Variants in UBE2E2 observed in about 807,000 individuals in gnomAD.
UBE2E2 encodes the protein ubiquitin-conjugating enzyme E2 E2.
A neutral mutation model predicts 24.7 loss-of-function variants in UBE2E2; 6 were observed. The observed-to-expected ratio is 0.24, with a 90% CI of 0.13 to 0.48. The LOEUF is 0.48. UBE2E2 is among the 20% of genes least tolerant of loss of function. The probability of loss-of-function intolerance (pLI) is 0.99; values close to 1 mark genes in which losing one functional copy is unlikely to be tolerated. For synonymous variants in UBE2E2, 104 were observed against 83.6 expected (o/e 1.24, Z -1.33); for missense variants, 169 against 245.0 (o/e 0.69, Z 2.07).
Position 23,398,324 on chromosome 3 carries a change from C to CAAA in UBE2E2, c.228-101277_228-101275dup, listed in dbSNP as rs57071884. 1.4e-5 allele frequency among the ~76,000 whole-genome samples: 2 copies of CAAA among 140,722 alleles called. 1 individual carries two copies. The highest frequency in any genetic ancestry group is 3.0e-5 in the Non-Finnish European group (2 of 65,830). 92.3% of individuals were successfully genotyped at this position (140,722 alleles called of 152,430 possible). The stretch of plus-strand genomic sequence containing the variant: ...CAAGACTCCATCTCAAAAAAAAAAA[C>CAAA]AAAAAAAAACTTGGAAAGTGGGATT... On this transcript the variant is annotated intron_variant, in intron 3 of 5. Transcript: ENST00000396703.
intron 3 of UBE2E2, among the ~76,000 whole-genome samples, chr3:23,472,729 G>GCCTCAA: frequency 6.6e-6 from 1 of 151,030 alleles, no homozygotes; most frequent in Admixed American, 6.6e-5. Flanking sequence ...GCTCACTGCA[G>GCCTCAA]CCTCAACCTC....
chr3:23,512,869 C>T (rs1694637980), intron 4 of UBE2E2, among the ~76,000 whole-genome samples: 1 of 152,106 alleles, frequency 6.6e-6, no homozygotes, highest in African/African-American at 2.4e-5. Context: ...TGCTTGAACC[C>T]AGGAGGCAGA....
At chr3:23,412,175 A>G (rs1354828871) in intron 3 of UBE2E2, among the ~76,000 whole-genome samples, 5 of 152,194 alleles carry the variant, frequency 3.3e-5, no homozygotes, top group African/African-American at 4.8e-5. Flanking sequence ...AATAGGATGT[A>G]ATAATTAATG....
rs192898167 is a variant in UBE2E2 at position 23,417,548 on chromosome 3, G to A, written c.228-82060G>A. ...GGGGTTGGGTCAGGGACCCACTTGA[G>A]GAGGCGGTCTGTCCCTTAGCAGAGC... On this transcript the variant is annotated intron_variant, in intron 3 of 5. Transcript: ENST00000396703. 5.7e-4 allele frequency among the ~76,000 whole-genome samples: 87 copies of A among 152,338 alleles called. 3 individuals carry two copies. The East Asian group carries it at 0.015, about 27-fold the overall frequency.
chr3:23,349,035 T>C (rs772251375), intron 3 of UBE2E2, among the ~76,000 whole-genome samples: 5 of 152,136 alleles, frequency 3.3e-5, no homozygotes, highest in Non-Finnish European at 4.4e-5. Context: ...CTGAGTGGGC[T>C]GCAAGACTGA....
chr3:23,393,873 T>A (rs1003046215), intron 3 of UBE2E2, among the ~76,000 whole-genome samples: 2 of 152,234 alleles, frequency 1.3e-5, no homozygotes, highest in Non-Finnish European at 2.9e-5. Flanking sequence ...ACATTTGCAC[T>A]TACTCACTTA....
chr3:23,565,744 CT>C, intron 5 of UBE2E2, among the ~76,000 whole-genome samples: 1 of 152,224 alleles, frequency 6.6e-6, no homozygotes, highest in South Asian at 2.1e-4. Context: ...AATGTTTCCC[CT>C]CTCACAGGGC....
intron 3 of UBE2E2, among the ~76,000 whole-genome samples, chr3:23,232,712 A>C (rs572446648): frequency 6.6e-6 from 1 of 152,388 alleles, no homozygotes; most frequent in South Asian, 2.1e-4. Context: ...AAATGATAGA[A>C]TACACTGAAG....
chr3:23,246,933 C>G (rs1318686024), intron 3 of UBE2E2, among the ~76,000 whole-genome samples: 1 of 151,916 alleles, frequency 6.6e-6, no homozygotes, highest in Non-Finnish European at 1.5e-5. Context: ...TGTGGCCAGG[C>G]TGGTCTCCTG....
intron 5 of UBE2E2, among the ~76,000 whole-genome samples, chr3:23,569,579 G>A (rs1484740834): frequency 6.6e-6 from 1 of 152,142 alleles, no homozygotes; most frequent in Non-Finnish European, 1.5e-5. Context: ...AGAGCTTTTT[G>A]CAGTGGTATT....
At chr3:23,524,873 C>CACACAG (rs1035658197) in intron 4 of UBE2E2, among the ~76,000 whole-genome samples, 4 of 147,380 alleles carry the variant, frequency 2.7e-5, no homozygotes, top group Admixed American at 1.3e-4. Flanking sequence ...CAGACACACA[C>CACACAG]ACACACACAC....
intron 5 of UBE2E2, among the ~76,000 whole-genome samples, chr3:23,577,430 A>G (rs1463582314): frequency 1.3e-5 from 2 of 152,066 alleles, no homozygotes; most frequent in African/African-American, 4.8e-5. Flanking sequence ...CCAAAGCCTA[A>G]TCCAGCATAA....
At chr3:23,393,085 A>C (rs1422729068) in intron 3 of UBE2E2, among the ~76,000 whole-genome samples, 1 of 152,240 alleles carries the variant, frequency 6.6e-6, no homozygotes, top group Non-Finnish European at 1.5e-5. Flanking sequence ...CATCTTACAG[A>C]GATCCCTCTA....
At position 23,362,264 on chromosome 3, in the gene UBE2E2, C is replaced by T. The variant is rs115400961; in HGVS notation, c.228-137344C>T. Among the ~76,000 whole-genome samples the T allele has an allele frequency of 6.0e-3, 918 of 152,240 alleles. 17 individuals are homozygous for T. The highest frequency in any genetic ancestry group is 0.021 in the African/African-American group (860 of 41,542). On this transcript the variant is annotated intron_variant, in intron 3 of 5. Coordinates refer to ENST00000396703, the MANE Select transcript of UBE2E2 (RefSeq NM_152653.4). Reference sequence around the variant, plus strand: ...TGGGCTCAGTGTGGAGCCAGGAGAACCTCCCAAACATGGGAAAGAATGAGT... The same window carrying T: ...TGGGCTCAGTGTGGAGCCAGGAGAATCTCCCAAACATGGGAAAGAATGAGT...
At chr3:23,328,668 T>TA (rs1694977717) in intron 3 of UBE2E2, among the ~76,000 whole-genome samples, 1 of 151,920 alleles carries the variant, frequency 6.6e-6, no homozygotes, top group African/African-American at 2.4e-5. Context: ...CTCTCTTTTT[T>TA]TTTTTTTGTT....
intron 4 of UBE2E2, among the ~76,000 whole-genome samples, chr3:23,514,162 A>C (rs1240389147): frequency 6.6e-6 from 1 of 152,200 alleles, no homozygotes; most frequent in Non-Finnish European, 1.5e-5. Context: ...TGTTTGATCC[A>C]GTTCTTCATG....
chr3:23,289,072 ATAGT>A (rs750855016), intron 3 of UBE2E2, among the ~76,000 whole-genome samples: 1 of 152,188 alleles, frequency 6.6e-6, no homozygotes. Context: ...TTTTGTGTAG[ATAGT>A]TGTCAAATGT....
intron 3 of UBE2E2, among the ~76,000 whole-genome samples, chr3:23,223,110 C>G (rs9845536): frequency 1.4e-5 from 2 of 145,900 alleles, no homozygotes; most frequent in Admixed American, 6.9e-5. Flanking sequence ...ACCTCTGCCT[C>G]CTGGGTTCAA....
chr3:23,236,342 T>A (rs1000468728), intron 3 of UBE2E2, among the ~76,000 whole-genome samples: 1 of 152,176 alleles, frequency 6.6e-6, no homozygotes, highest in African/African-American at 2.4e-5. Flanking sequence ...TTTGCAAGAT[T>A]ATTCATATTA....
Sources: allele counts gnomAD v4.1 joint callset (sites outside exome capture counted in the v4.1 genomes callset), GRCh38; gene constraint gnomAD v4.1.1; transcripts MANE v1.5; gene names NCBI Gene and HGNC (gene_info 2026-07-23, HGNC 2026-07-21).